JADE1: variants seen among roughly 807,000 people sequenced by gnomAD.
JADE1 encodes the protein jade family PHD finger 1, also known as protein Jade-1.
Under a neutral mutation model 81.8 loss-of-function variants are expected in JADE1, and 14 were observed. The observed-to-expected ratio is 0.17, with a 90% confidence interval of 0.11 to 0.27. The LOEUF (loss-of-function observed/expected upper bound fraction) is 0.27, where lower values mean the gene tolerates loss of function less well. JADE1 is among the 10% of genes least tolerant of loss of function. The pLI is 1.00. For missense variants in JADE1, 690 were observed against 1,047.9 expected, an observed-to-expected ratio of 0.66 and a Z score of 4.71; for synonymous variants, 353 against 391.9, an observed-to-expected ratio of 0.90 and a Z score of 1.17.
At chr4:128,842,283 T>TTTTTC (rs1286403565) in intron 2 of JADE1, among the ~76,000 whole-genome samples, 3 of 151,810 alleles carry the variant, frequency 2.0e-5, no homozygotes, top group Non-Finnish European at 4.4e-5. Context: ...CAGTAAGATG[T>TTTTTC]TTTTCTTTTC....
chr4:128,833,520 T>G (rs1237505266), intron 2 of JADE1, among the ~76,000 whole-genome samples: 1 of 152,120 alleles, frequency 6.6e-6, no homozygotes, highest in African/African-American at 2.4e-5. Flanking sequence ...CTGGCCAACA[T>G]GGTGAAACCC....
At chr4:128,815,457 A>G (rs534520293) in intron 1 of JADE1, among the ~76,000 whole-genome samples, 2 of 152,328 alleles carry the variant, frequency 1.3e-5, no homozygotes, top group African/African-American at 4.8e-5. Context: ...CTTTGGAAAT[A>G]AAGTTGCCTG....
chr4:128,820,072 G>T (rs1009806686), intron 1 of JADE1, among the ~76,000 whole-genome samples: 1 of 152,040 alleles, frequency 6.6e-6, no homozygotes, highest in Non-Finnish European at 1.5e-5. Context: ...ATCCTCTCTA[G>T]CTCTGCAGTT....
At chr4:128,843,934 T>C (rs1459916012) in intron 3 of JADE1, among the ~76,000 whole-genome samples, 2 of 152,186 alleles carry the variant, frequency 1.3e-5, no homozygotes, top group East Asian at 3.9e-4. Flanking sequence ...CATGAGGAAG[T>C]AGTTTACATC....
intron 1 of JADE1, among the ~76,000 whole-genome samples, chr4:128,826,309 A>G (rs1175730190): frequency 1.3e-5 from 2 of 152,074 alleles, no homozygotes; most frequent in Non-Finnish European, 2.9e-5. Flanking sequence ...CCGTACTGCA[A>G]GGTCCCATTG....
At chr4:128,810,592 C>G (rs1726259100) in intron 1 of JADE1, among the ~76,000 whole-genome samples, 1 of 151,138 alleles carries the variant, frequency 6.6e-6, no homozygotes, top group Non-Finnish European at 1.5e-5. Flanking sequence ...GTGTGTGAGA[C>G]CGTGTGTGTG....
chr4:128,812,853 C>G (rs889884538), intron 1 of JADE1, among the ~76,000 whole-genome samples: 1 of 152,188 alleles, frequency 6.6e-6, no homozygotes, highest in Non-Finnish European at 1.5e-5. Context: ...TTTAAATTTT[C>G]TTTTGTAAAA....
intron 1 of JADE1, among the ~76,000 whole-genome samples, chr4:128,819,530 T>C (rs1196205858): frequency 1.3e-5 from 2 of 152,236 alleles, no homozygotes; most frequent in East Asian, 1.9e-4. Context: ...TGTGTTCCAC[T>C]ACAGAGGGAG....
At chr4:128,857,187 C>G in intron 7 of JADE1, 151 bp from the exon 8 acceptor site, 1 of 676,138 alleles carries the variant, frequency 1.5e-6, no homozygotes. Context: ...TGTTCTGAGG[C>G]TTTTAAAGTA....
chr4:128,814,559 G>T (rs79502792), intron 1 of JADE1, among the ~76,000 whole-genome samples: 1,527 of 150,476 alleles, frequency 0.01, 10 homozygotes, highest in Non-Finnish European at 0.015. Context: ...CATCTGTAAG[G>T]ATTTTTTCTT....
rs1728572674 is a variant in JADE1, at chr4:128,831,722, T to C, written c.-26-11T>C. The C allele has an allele frequency of 1.9e-6, 3 of 1,613,786 alleles. No individual in the cohort carries two copies. Among genetic ancestry groups the C allele is most frequent in the Admixed American group, 1.7e-5 (1 of 60,012 alleles). ...TCATCTTGGGTTAAGTGCTGTCTCA[T>C]TGCTTTGCAGGCTGCCTGCTGTTTC... On this transcript the variant is annotated splice_polypyrimidine_tract_variant and intron_variant, in intron 1 of 10. Transcript: ENST00000226319.
At chr4:128,814,541 G>A (rs1726811184) in intron 1 of JADE1, among the ~76,000 whole-genome samples, 1 of 150,744 alleles carries the variant, frequency 6.6e-6, no homozygotes, top group Non-Finnish European at 1.5e-5. Flanking sequence ...TGAGATACAT[G>A]AATATACCAT....
intron 8 of JADE1, among the ~76,000 whole-genome samples, chr4:128,858,950 T>TCTTTATCA (rs1196702744): frequency 6.6e-6 from 1 of 152,210 alleles, no homozygotes; most frequent in African/African-American, 2.4e-5. Context: ...CTACTTTTCT[T>TCTTTATCA]CTTTATCACT....
intron 9 of JADE1, chr4:128,864,357 G>A (rs13114904): frequency 0.19 from 136,706 of 729,990 alleles, 13,488 homozygotes; most frequent in Middle Eastern, 0.24. Flanking sequence ...TGTTGGTCAG[G>A]TTGGTCTTGA....
chr4:128,861,393 A>T lies in JADE1; in HGVS notation c.982-311A>T, dbSNP rs150639053. On this transcript the variant is annotated intron_variant, in intron 8 of 10. Coordinates refer to ENST00000226319, the MANE Select transcript of JADE1 (RefSeq NM_199320.4). ...TAAATTCCAAGACTTGGCTGGGCGC[A>T]GTGGCTCACGCCTGTAATCCCAGCA... Among the ~76,000 whole-genome samples the T allele has an allele frequency of 2.4e-4, 36 of 152,364 alleles. No homozygotes were observed. In the East Asian group the frequency reaches 6.4e-3, roughly 27 times the overall value.
chr4:128,833,337 G>A (rs1728703930), intron 2 of JADE1, among the ~76,000 whole-genome samples: 1 of 152,168 alleles, frequency 6.6e-6, no homozygotes, highest in Non-Finnish European at 1.5e-5. Context: ...GCCTATCAAA[G>A]TGTCTTTGTG....
chr4:128,822,171 C>T (rs1181893965), intron 1 of JADE1, among the ~76,000 whole-genome samples: 1 of 152,128 alleles, frequency 6.6e-6, no homozygotes, highest in African/African-American at 2.4e-5. Context: ...GTTGTGCTTC[C>T]AGGTCTTTTA....
intron 1 of JADE1, among the ~76,000 whole-genome samples, chr4:128,812,866 A>G (rs1466068089): frequency 1.3e-5 from 2 of 152,260 alleles, no homozygotes; most frequent in Non-Finnish European, 2.9e-5. Context: ...TTGTAAAATG[A>G]CAGCTGCAGT....
At position 128,831,758 on chromosome 4, in the gene JADE1, C is replaced by A. The variant is rs762706454; in HGVS notation, c.-1C>A. 2.4e-5 allele frequency: 39 copies of A among 1,614,040 alleles called. No homozygotes were observed. The highest frequency in any genetic ancestry group is 3.2e-5 in the Non-Finnish European group (38 of 1,180,038). On this transcript the variant is annotated 5_prime_UTR_variant, in exon 2 of 11. Coordinates refer to ENST00000226319, the MANE Select transcript of JADE1 (RefSeq NM_199320.4). ...GCTGCCTGCTGTTTCCCGGGGAGAT[C>A]ATGAAACGAGGTCGCCTTCCCAGCA...
Sources: gnomAD v4.1 joint callset for allele counts (sites outside exome capture counted in the v4.1 genomes callset) on GRCh38, gnomAD v4.1.1 for gene constraint, MANE v1.5 for transcripts, NCBI Gene and HGNC (gene_info 2026-07-23, HGNC 2026-07-21) for gene names.